Variants in CTNNA3 observed in about 807,000 individuals in gnomAD.
The protein encoded by CTNNA3 is catenin alpha 3.
A neutral mutation model predicts 95.7 loss-of-function variants in CTNNA3; 76 were observed. The ratio of observed to expected loss-of-function variants is 0.79; its 90% CI spans 0.66 to 0.96. The LOEUF (loss-of-function observed/expected upper bound fraction) is 0.96, where lower values mean the gene tolerates loss of function less well. Ranked by LOEUF, CTNNA3 falls within the 40% of genes least tolerant of loss-of-function variation. The pLI is 0.00. For synonymous variants in CTNNA3, 431 were observed against 374.4 expected, an observed-to-expected ratio of 1.15 and a Z score of -1.74; for missense variants, 1,191 against 1,089.8, an observed-to-expected ratio of 1.09 and a Z score of -1.31.
At chr10:66,040,281 G>A (rs2079658139) in intron 15 of CTNNA3, among the ~76,000 whole-genome samples, 1 of 152,092 alleles carries the variant, frequency 6.6e-6, no homozygotes, top group South Asian at 2.1e-4. Flanking sequence ...TTGGGTGGGA[G>A]TGTAAATTAG....
intron 13 of CTNNA3, among the ~76,000 whole-genome samples, chr10:66,174,681 A>C (rs1378621338): frequency 1.3e-5 from 2 of 152,034 alleles, no homozygotes; most frequent in Non-Finnish European, 2.9e-5. Context: ...TTGAATATAC[A>C]GGTTCTGCAG....
chr10:66,304,802 A>G (rs1269316533), intron 12 of CTNNA3, among the ~76,000 whole-genome samples: 1 of 152,158 alleles, frequency 6.6e-6, no homozygotes, highest in Non-Finnish European at 1.5e-5. Context: ...AAATTTCAGA[A>G]CAGTGATTAA....
Position 66,572,360 on chromosome 10 carries a change from T to G in CTNNA3, c.1374+49332A>C, listed in dbSNP as rs10997240. On this transcript the variant is annotated intron_variant, in intron 10 of 17. Coordinates refer to ENST00000433211, the MANE Select transcript of CTNNA3 (RefSeq NM_013266.4). ...ATCGCACCACTGCACTCCAGCCTGG[T>G]TGACAGAGGAGACTCTGTCTTAAAA... Among the ~76,000 whole-genome samples, 12 of 148,100 alleles carry G rather than the reference T, an allele frequency of 8.1e-5. 1 individual carries two copies. Among genetic ancestry groups the G allele is most frequent in the African/African-American group, 1.7e-4 (7 of 40,482 alleles).
intron 13 of CTNNA3, among the ~76,000 whole-genome samples, chr10:66,247,890 G>T (rs1284224012): frequency 6.6e-6 from 1 of 152,042 alleles, no homozygotes; most frequent in East Asian, 1.9e-4. Context: ...TGAGCAATAA[G>T]AAATCATCTT....
intron 7 of CTNNA3, among the ~76,000 whole-genome samples, chr10:66,900,035 G>C (rs1227813568): frequency 6.6e-6 from 1 of 152,152 alleles, no homozygotes; most frequent in Non-Finnish European, 1.5e-5. Context: ...AGAACAAACA[G>C]ACGGCCCCCT....
At chr10:66,263,871 C>T (rs191904033) in intron 13 of CTNNA3, among the ~76,000 whole-genome samples, 2 of 151,928 alleles carry the variant, frequency 1.3e-5, no homozygotes, top group Admixed American at 1.3e-4. Context: ...CTTTTTAAGT[C>T]TTCTAAGTTA....
chr10:66,536,075 G>C (rs552320739), intron 10 of CTNNA3, among the ~76,000 whole-genome samples: 4 of 151,960 alleles, frequency 2.6e-5, no homozygotes, highest in Admixed American at 6.6e-5. Flanking sequence ...CATTGACATA[G>C]AGAGCTATAG....
intron 13 of CTNNA3, among the ~76,000 whole-genome samples, chr10:66,183,803 T>TTATC (rs1237966938): frequency 5.3e-5 from 8 of 152,202 alleles, no homozygotes; most frequent in Non-Finnish European, 1.2e-4. Flanking sequence ...TATATACCAA[T>TTATC]TATCTTTTTA....
chr10:67,498,913 G>T (rs1488571274), intron 5 of CTNNA3, among the ~76,000 whole-genome samples: 1 of 152,124 alleles, frequency 6.6e-6, no homozygotes, highest in African/African-American at 2.4e-5. Context: ...CTTCCTATTT[G>T]AATATGCTTT....
intron 5 of CTNNA3, among the ~76,000 whole-genome samples, chr10:67,220,977 C>A (rs1864626939): frequency 6.6e-6 from 1 of 152,028 alleles, no homozygotes; most frequent in African/African-American, 2.4e-5. Context: ...GACACCTGGG[C>A]AGTATTCCTC....
At chr10:67,445,231 A>G (rs1846698276) in intron 5 of CTNNA3, among the ~76,000 whole-genome samples, 1 of 152,174 alleles carries the variant, frequency 6.6e-6, no homozygotes, top group Admixed American at 6.5e-5. Context: ...AAGAAATTAA[A>G]TCATAACACC....
rs190138753 is a variant in CTNNA3 at position 67,541,680 on chromosome 10, C to T, written c.293-2011G>A. On this transcript the variant is annotated intron_variant, in intron 3 of 17. Coordinates refer to ENST00000433211, the MANE Select transcript of CTNNA3 (RefSeq NM_013266.4). The stretch of plus-strand genomic sequence containing the variant: ...GCACAGTATTTAAACATGGAAAGCA[C>T]TCAACAAAGATTAACTGTTATTTTG... 8.1e-4 allele frequency among the ~76,000 whole-genome samples: 123 copies of T among 152,104 alleles called. 1 individual carries two copies. The highest frequency in any genetic ancestry group is 2.8e-3 in the African/African-American group (118 of 41,530).
intron 7 of CTNNA3, among the ~76,000 whole-genome samples, chr10:67,129,563 A>T (rs773524397): frequency 6.6e-6 from 1 of 152,284 alleles, no homozygotes; most frequent in South Asian, 2.1e-4. Flanking sequence ...AATGCATACA[A>T]TAATGACACA....
At chr10:67,537,906 A>G (rs187567168) in intron 4 of CTNNA3, among the ~76,000 whole-genome samples, 1 of 152,256 alleles carries the variant, frequency 6.6e-6, no homozygotes, top group East Asian at 1.9e-4. Context: ...GACACCTACA[A>G]ATCCACTAGT....
intron 7 of CTNNA3, among the ~76,000 whole-genome samples, chr10:66,820,025 T>C (rs1023751235): frequency 6.7e-6 from 1 of 149,374 alleles, no homozygotes. Context: ...CAAAAACTTG[T>C]ACATAAATGT....
chr10:66,374,306 T>A (rs751698041), intron 12 of CTNNA3, among the ~76,000 whole-genome samples: 10 of 152,148 alleles, frequency 6.6e-5, no homozygotes, highest in Non-Finnish European at 1.2e-4. Context: ...AATGGAGCAA[T>A]TAATTCTAAC....
chr10:67,679,140 A>G (rs1385718456), intron 1 of CTNNA3, among the ~76,000 whole-genome samples: 2 of 152,220 alleles, frequency 1.3e-5, no homozygotes, highest in Non-Finnish European at 2.9e-5. Context: ...ATAAATGACC[A>G]TTTCTGGGTA....
At chr10:67,654,020 G>A (rs1470310218) in intron 1 of CTNNA3, among the ~76,000 whole-genome samples, 1 of 152,176 alleles carries the variant, frequency 6.6e-6, no homozygotes, top group Admixed American at 6.5e-5. Flanking sequence ...TTGCCAATGA[G>A]TGCAGATTGA....
At position 67,558,851 on chromosome 10, in the gene CTNNA3, G is replaced by A. The variant is rs188132527; in HGVS notation, c.293-19182C>T. Reference sequence around the variant, plus strand: ...GGAGATTATATCCCGCACATGGCTCGGAGGGTCCTACGCCCACGGAGTCTC... The same window carrying A: ...GGAGATTATATCCCGCACATGGCTCAGAGGGTCCTACGCCCACGGAGTCTC... On this transcript the variant is annotated intron_variant, in intron 3 of 17. Coordinates refer to ENST00000433211, the MANE Select transcript of CTNNA3 (RefSeq NM_013266.4). Among the ~76,000 whole-genome samples, 14 of 152,312 alleles carry A rather than the reference G, an allele frequency of 9.2e-5. No homozygotes were observed. In the East Asian group the frequency reaches 9.7e-4, roughly 11 times the overall value.
Sources: allele counts gnomAD v4.1 joint callset (sites outside exome capture counted in the v4.1 genomes callset), GRCh38; gene constraint gnomAD v4.1.1; transcripts MANE v1.5; gene names NCBI Gene and HGNC (gene_info 2026-07-23, HGNC 2026-07-21).